Variants in FMO3 observed in about 807,000 individuals in gnomAD.
FMO3 encodes flavin containing dimethylaniline monoxygenase 3.
A neutral mutation model predicts 39.4 loss-of-function variants in FMO3; 40 were observed. The ratio of observed to expected loss-of-function variants is 1.02; its 90% CI spans 0.79 to 1.32. The LOEUF (loss-of-function observed/expected upper bound fraction) is 1.32, where lower values mean the gene tolerates loss of function less well. Among genes scored for constraint, FMO3 ranks in the 40% most tolerant of loss-of-function variants. The pLI, the probability that FMO3 is intolerant of heterozygous loss-of-function variation, is 0.00. For synonymous variants in FMO3, 219 were observed against 228.8 expected (o/e 0.96, Z 0.39); for missense variants, 680 against 651.8 (o/e 1.04, Z -0.47).
At chr1:171,110,140 T>G (rs1024270350) in intron 5 of FMO3, among the ~76,000 whole-genome samples, 1 of 152,122 alleles carries the variant, frequency 6.6e-6, no homozygotes, top group East Asian at 1.9e-4. Flanking sequence ...GTTAAAGGAA[T>G]TTTTTCAAAT....
chr1:171,108,509 G>A (rs759451726), intron 5 of FMO3, among the ~76,000 whole-genome samples: 1 of 152,026 alleles, frequency 6.6e-6, no homozygotes, highest in Non-Finnish European at 1.5e-5. Context: ...ACAGATTTAG[G>A]GTGAAGGTTA....
At chr1:171,112,711 G>T (rs557966039) in intron 6 of FMO3, among the ~76,000 whole-genome samples, 1 of 151,644 alleles carries the variant, frequency 6.6e-6, no homozygotes, top group East Asian at 1.9e-4. Flanking sequence ...GGAAACACAA[G>T]ACAGGAGGGA....
At chr1:171,097,519 A>T (rs1655164570) in intron 2 of FMO3, among the ~76,000 whole-genome samples, 1 of 125,904 alleles carries the variant, frequency 7.9e-6, no homozygotes, top group Non-Finnish European at 1.6e-5. Context: ...TTTGGTTTTG[A>T]TTTGCATTTC....
chr1:171,095,736 A>ATG (rs1654926775), intron 2 of FMO3, among the ~76,000 whole-genome samples: 1 of 134,554 alleles, frequency 7.4e-6, no homozygotes, highest in Admixed American at 9.4e-5. Flanking sequence ...TTTCTTTTAT[A>ATG]TATATCTATA....
At chr1:171,095,131 G>A (rs1654893499) in intron 2 of FMO3, among the ~76,000 whole-genome samples, 1 of 152,070 alleles carries the variant, frequency 6.6e-6, no homozygotes, top group South Asian at 2.1e-4. Flanking sequence ...AAGAGATCTT[G>A]CACCTCTGGT....
At chr1:171,096,729 A>T (rs1339658764) in intron 2 of FMO3, among the ~76,000 whole-genome samples, 1 of 128,970 alleles carries the variant, frequency 7.8e-6, no homozygotes, top group East Asian at 2.8e-4. Flanking sequence ...TTATATTAAA[A>T]ATATATATAA....
At chr1:171,103,732 G>A in intron 2 of FMO3, 53 bp from the exon 3 acceptor site, 3 of 1,433,932 alleles carry the variant, frequency 2.1e-6, no homozygotes, top group Non-Finnish European at 3.0e-6. Flanking sequence ...CCCTGACCAT[G>A]ATCAGTATAC....
In FMO3 at chr1:171,117,506, A is replaced by G; in HGVS notation, c.*64A>G. 3.6e-6 allele frequency: 5 copies of G among 1,376,252 alleles called. No homozygotes were observed. Among genetic ancestry groups the G allele is most frequent in the Non-Finnish European group, 5.0e-6 (5 of 990,388 alleles). 85.3% of individuals were successfully genotyped at this position (1,376,252 alleles called of 1,614,324 possible). ...TACCCAGACAGGGGCTTTGCTATTT[A>G]AAAATTAAAATTTTCACACCACCTG... On this transcript the variant is annotated 3_prime_UTR_variant, in exon 9 of 9. Transcript: ENST00000367755.
At chr1:171,100,964 TAA>T (rs1356990428) in intron 2 of FMO3, 1 of 362,674 alleles carries the variant, frequency 2.8e-6, no homozygotes, top group African/African-American at 2.1e-5. Context: ...AATGCATCGT[TAA>T]AAGAGAGAGG....
At chr1:171,104,040 C>A in intron 3 of FMO3, 67 bp downstream of exon 3, 1 of 1,158,092 alleles carries the variant, frequency 8.6e-7, no homozygotes, top group Non-Finnish European at 1.3e-6. Context: ...CTACTGGATT[C>A]TCATTTGTTC....
In FMO3 at chr1:171,116,657, G is replaced by T. The variant is rs575491788; in HGVS notation, c.1256+377G>T. 3.9e-5 allele frequency among the ~76,000 whole-genome samples: 6 copies of T among 152,292 alleles called. No homozygotes were observed. The East Asian group carries it at 1.2e-3, about 29-fold the overall frequency. On this transcript the variant is annotated intron_variant, in intron 8 of 8. Transcript: ENST00000367755. ...TAGCCCATAAATTCTCTAAGATGTAGAGGATATTTCAAAGGTATACCTCTA... is the reference window on the plus strand; with the variant it reads ...TAGCCCATAAATTCTCTAAGATGTATAGGATATTTCAAAGGTATACCTCTA...
At chr1:171,115,549 G>C (rs914430408) in intron 7 of FMO3, among the ~76,000 whole-genome samples, 2 of 152,156 alleles carry the variant, frequency 1.3e-5, no homozygotes, top group Non-Finnish European at 2.9e-5. Flanking sequence ...TGGGCTAAGA[G>C]TTTTATTCTC....
At chr1:171,092,192 G>A (rs1017564279) in intron 1 of FMO3, among the ~76,000 whole-genome samples, 15 of 151,956 alleles carry the variant, frequency 9.9e-5, no homozygotes, top group Non-Finnish European at 2.9e-5. Flanking sequence ...AGAAATTAGA[G>A]AGAAATGAAA....
intron 2 of FMO3, among the ~76,000 whole-genome samples, chr1:171,103,414 G>A (rs1465896469): frequency 6.6e-6 from 1 of 152,000 alleles, no homozygotes; most frequent in Non-Finnish European, 1.5e-5. Context: ...GTATACACTT[G>A]GCCATCTGTT....
intron 2 of FMO3, among the ~76,000 whole-genome samples, chr1:171,096,016 T>TATATTAATACATAA (rs1431040753): frequency 2.1e-5 from 1 of 47,534 alleles, no homozygotes; most frequent in East Asian, 5.1e-4. Flanking sequence ...AATATACATA[T>TATATTAATACATAA]TATATATTAA....
chr1:171,097,816 T>C (rs1057086810), intron 2 of FMO3, among the ~76,000 whole-genome samples: 48 of 152,074 alleles, frequency 3.2e-4, no homozygotes, highest in Non-Finnish European at 5.0e-4. Flanking sequence ...TTTGTCAATT[T>C]TGGCTTTTGT....
At chr1:171,108,297 A>C (rs1166929227) in intron 5 of FMO3, 76 bp downstream of exon 5, 14 of 1,550,140 alleles carry the variant, frequency 9.0e-6, no homozygotes. Context: ...TGTGATATGA[A>C]ATGTGGGGGA....
intron 6 of FMO3, among the ~76,000 whole-genome samples, chr1:171,111,515 G>A (rs1228590320): frequency 6.6e-6 from 1 of 152,122 alleles, no homozygotes; most frequent in Non-Finnish European, 1.5e-5. Flanking sequence ...TAATGGCAAA[G>A]TTAAGCACAT....
chr1:171,116,461 T>G (rs534731125), intron 8 of FMO3, among the ~76,000 whole-genome samples, 181 bp downstream of exon 8: 1 of 152,296 alleles, frequency 6.6e-6, no homozygotes, highest in African/African-American at 2.4e-5. Flanking sequence ...TGACATTGTA[T>G]TAAGTTCTTT....
Sources: allele counts gnomAD v4.1 joint callset (sites outside exome capture counted in the v4.1 genomes callset), GRCh38; gene constraint gnomAD v4.1.1; transcripts MANE v1.5; gene names NCBI Gene and HGNC (gene_info 2026-07-23, HGNC 2026-07-21).